The following HDAC9 variants were observed in gnomAD, a reference collection of about 807,000 sequenced individuals.
HDAC9 encodes the protein histone deacetylase 9.
In HDAC9, 41 loss-of-function variants were observed where a neutral mutation model predicts 139.4. The observed-to-expected ratio is 0.29, with a 90% CI of 0.23 to 0.38. The LOEUF (loss-of-function observed/expected upper bound fraction) is 0.38. Among genes scored for constraint, HDAC9 ranks in the 10% least tolerant of loss-of-function variants. The pLI is 1.00. For missense variants in HDAC9, 1,147 were observed against 1,297.0 expected (o/e 0.88, Z 1.78); for synonymous variants, 517 against 476.2 (o/e 1.09, Z -1.12).
At chr7:18,574,685 C>A (rs1302798413) in intron 2 of HDAC9, among the ~76,000 whole-genome samples, 2 of 152,240 alleles carry the variant, frequency 1.3e-5, no homozygotes, top group African/African-American at 4.8e-5. Flanking sequence ...CTCTTTGGTG[C>A]CCAAGTCCAA....
At chr7:18,953,730 CTG>C (rs928404987) in intron 23 of HDAC9, among the ~76,000 whole-genome samples, 2 of 152,064 alleles carry the variant, frequency 1.3e-5, no homozygotes, top group Non-Finnish European at 2.9e-5. Flanking sequence ...TGTAAAAACA[CTG>C]TGAAAGTATG....
chr7:18,501,700 G>A (rs1459491223), intron 2 of HDAC9, among the ~76,000 whole-genome samples: 1 of 152,152 alleles, frequency 6.6e-6, no homozygotes, highest in Non-Finnish European at 1.5e-5. Context: ...ATGCTGTGCT[G>A]TGTTTGGTGA....
chr7:18,315,593 T>G (rs1799585355), intron 1 of HDAC9, among the ~76,000 whole-genome samples: 1 of 152,252 alleles, frequency 6.6e-6, no homozygotes, highest in Non-Finnish European at 1.5e-5. Context: ...TGAAATTTAT[T>G]TCTGTAGAAA....
In HDAC9 at chr7:19,001,667, A is replaced by T. The variant is rs773279315; in HGVS notation, c.*5605A>T. The T allele has an allele frequency of 6.6e-6, 1 of 151,982 alleles. No homozygotes were observed. The highest frequency in any genetic ancestry group is 1.5e-5 in the Non-Finnish European group (1 of 67,926). The allele number at this position is 151,982 out of a possible 1,614,324, so 9.4% of individuals were successfully genotyped here. A position where few individuals can be genotyped will look rare whatever the true frequency, so the allele number is the denominator to read the frequency against. ...CGATTTGTTCTTCCTACACTTTAAT[A>T]GTCTCAAATTCTTTCTGGGGAAGCA... On this transcript the variant is annotated 3_prime_UTR_variant, in exon 26 of 26. Transcript: ENST00000686413.
chr7:18,320,096 G>T (rs748727744), intron 1 of HDAC9, among the ~76,000 whole-genome samples: 12 of 152,166 alleles, frequency 7.9e-5, no homozygotes, highest in Non-Finnish European at 1.6e-4. Context: ...CTTTTAACAG[G>T]CTCATCAGCA....
rs1256088263 is a variant in HDAC9 at position 18,133,980 on chromosome 7, AT to A, written c.-96-28235del. 5.0e-3 allele frequency among the ~76,000 whole-genome samples: 661 copies of A among 133,414 alleles called. 3 individuals are homozygous for A. The highest frequency in any genetic ancestry group is 0.014 in the East Asian group (67 of 4,656). 87.5% of individuals were successfully genotyped at this position (133,414 alleles called of 152,430 possible). On this transcript the variant is annotated intron_variant, in intron 1 of 12. Coordinates refer to the HDAC9 transcript ENST00000417496. ...CACATCTCTAGCCTTTCATCCATCT[AT>A]TTTTTTTTTTTTTAATGTGTCTGAG...
intron 2 of HDAC9, among the ~76,000 whole-genome samples, chr7:18,503,239 G>T (rs1798875853): frequency 6.6e-6 from 1 of 152,192 alleles, no homozygotes; most frequent in South Asian, 2.1e-4. Flanking sequence ...GAAGTGAGTG[G>T]TTAGCTTGGG....
chr7:18,791,170 G>T (rs1792274454), intron 16 of HDAC9, among the ~76,000 whole-genome samples: 1 of 152,134 alleles, frequency 6.6e-6, no homozygotes, highest in Non-Finnish European at 1.5e-5. Context: ...TTTTTGGAAG[G>T]AAATTTGCCA....
intron 1 of HDAC9, among the ~76,000 whole-genome samples, chr7:18,421,907 C>G (rs1355232357): frequency 6.6e-6 from 1 of 152,190 alleles, no homozygotes; most frequent in Admixed American, 6.6e-5. Context: ...CAGAAGGGAT[C>G]ATGGTGGTGG....
intron 22 of HDAC9, among the ~76,000 whole-genome samples, chr7:18,894,114 A>C (rs561212691): frequency 3.9e-5 from 6 of 152,098 alleles, no homozygotes; most frequent in Non-Finnish European, 8.8e-5. Flanking sequence ...GTAAAGGATG[A>C]CTTCAGGGTT....
Position 18,593,804 on chromosome 7 carries a change from T to A in HDAC9, c.543-104T>A, listed in dbSNP as rs546480667. On this transcript the variant is annotated intron_variant, in intron 5 of 25. Coordinates refer to ENST00000686413, the MANE Select transcript of HDAC9 (RefSeq NM_178425.4). Reference sequence around the variant, plus strand: ...TTGTATACACTAAGGAGAAAGAGCATAAACATAGCTGAGGCACGTGTACAG... The same window carrying A: ...TTGTATACACTAAGGAGAAAGAGCAAAAACATAGCTGAGGCACGTGTACAG... 7.8e-5 allele frequency: 96 copies of A among 1,230,728 alleles called. No individual in the cohort carries two copies. The African/African-American group carries it at 1.3e-3, about 16-fold the overall frequency. 76.2% of individuals were successfully genotyped at this position (1,230,728 alleles called of 1,614,324 possible).
intron 22 of HDAC9, among the ~76,000 whole-genome samples, chr7:18,892,858 G>A (rs1023639783): frequency 2.0e-5 from 3 of 151,942 alleles, no homozygotes; most frequent in Non-Finnish European, 4.4e-5. Context: ...CTTCTTTCTT[G>A]ATAGAGAGAT....
chr7:18,624,304 CTG>C (rs1841048976), intron 6 of HDAC9, among the ~76,000 whole-genome samples: 1 of 152,112 alleles, frequency 6.6e-6, no homozygotes, highest in African/African-American at 2.4e-5. Flanking sequence ...CAGATATTTT[CTG>C]TTTCCTTTTA....
intron 8 of HDAC9, among the ~76,000 whole-genome samples, chr7:18,642,696 C>T (rs996927304): frequency 3.3e-5 from 5 of 152,054 alleles, no homozygotes; most frequent in Non-Finnish European, 7.4e-5. Context: ...GTAAGACTGT[C>T]CCCAAATCTC....
At chr7:18,975,303 TGA>T (rs1784482650) in intron 24 of HDAC9, among the ~76,000 whole-genome samples, 1 of 152,244 alleles carries the variant, frequency 6.6e-6, no homozygotes, top group African/African-American at 2.4e-5. Context: ...CTAACAAACC[TGA>T]TTGTTCTGGC....
chr7:18,361,353 C>G (rs755725200), intron 1 of HDAC9, among the ~76,000 whole-genome samples: 1 of 152,144 alleles, frequency 6.6e-6, no homozygotes, highest in African/African-American at 2.4e-5. Context: ...TCCACCCACA[C>G]CTCTCTCCTG....
chr7:18,202,863 A>G (rs1280305258), intron 2 of HDAC9, among the ~76,000 whole-genome samples: 1 of 152,160 alleles, frequency 6.6e-6, no homozygotes, highest in Non-Finnish European at 1.5e-5. Flanking sequence ...CTCAGGAGCC[A>G]TTTGCCTGGG....
At chr7:18,750,974 C>T (rs1048665453) in intron 14 of HDAC9, among the ~76,000 whole-genome samples, 1 of 152,084 alleles carries the variant, frequency 6.6e-6, no homozygotes, top group Non-Finnish European at 1.5e-5. Flanking sequence ...CCTTCGAATG[C>T]CTTGTTAGAT....
intron 16 of HDAC9, among the ~76,000 whole-genome samples, chr7:18,782,162 G>A (rs1235732702): frequency 6.6e-6 from 1 of 152,074 alleles, no homozygotes; most frequent in South Asian, 2.1e-4. Flanking sequence ...TTACTAAACT[G>A]CTCAGAACTG....
Sources: allele counts gnomAD v4.1 joint callset (sites outside exome capture counted in the v4.1 genomes callset), GRCh38; gene constraint gnomAD v4.1.1; transcripts MANE v1.5; gene names NCBI Gene and HGNC (gene_info 2026-07-23, HGNC 2026-07-21).